Variants in CADPS2 observed in about 807,000 individuals in gnomAD.
The protein encoded by CADPS2 is calcium dependent secretion activator 2, also known as calcium-dependent secretion activator 2.
Under a neutral mutation model 172.5 loss-of-function variants are expected in CADPS2, and 93 were observed. The observed-to-expected ratio is 0.54, with a 90% CI of 0.46 to 0.64. The LOEUF (loss-of-function observed/expected upper bound fraction) is 0.64. CADPS2 is among the 30% of genes least tolerant of loss of function. The probability of loss-of-function intolerance (pLI) is 0.00; values close to 1 mark genes in which losing one functional copy is unlikely to be tolerated. For missense variants in CADPS2, 1,420 were observed against 1,565.9 expected (o/e 0.91, Z 1.57); for synonymous variants, 546 against 555.2 (o/e 0.98, Z 0.23).
At chr7:122,638,281 G>C (rs1400375833) in intron 3 of CADPS2, among the ~76,000 whole-genome samples, 2 of 152,166 alleles carry the variant, frequency 1.3e-5, no homozygotes, top group African/African-American at 4.8e-5. Context: ...TGAGAGCCCA[G>C]GGATCTCACC....
chr7:122,878,956 C>T lies in CADPS2; in HGVS notation c.339+7043G>A, dbSNP rs911837725. On this transcript the variant is annotated intron_variant, in intron 1 of 29. Transcript: ENST00000449022. Reference sequence around the variant, plus strand: ...GATTCATCAAAAGTCGGGCTGCAGGCCGGGCATCTTGACTCACACTTGCAA... The same window carrying T: ...GATTCATCAAAAGTCGGGCTGCAGGTCGGGCATCTTGACTCACACTTGCAA... 7.2e-5 allele frequency among the ~76,000 whole-genome samples: 11 copies of T among 152,212 alleles called. No individual in the cohort carries two copies. In the East Asian group the frequency reaches 2.1e-3, roughly 29 times the overall value.
At chr7:122,433,870 C>T (rs1312566245) in intron 17 of CADPS2, among the ~76,000 whole-genome samples, 1 of 152,134 alleles carries the variant, frequency 6.6e-6, no homozygotes, top group Non-Finnish European at 1.5e-5. Flanking sequence ...TTGTTCTCTC[C>T]TCTCTTTAAG....
chr7:122,514,484 CT>C (rs1289735742), intron 8 of CADPS2, among the ~76,000 whole-genome samples: 3 of 151,956 alleles, frequency 2.0e-5, no homozygotes, highest in Non-Finnish European at 2.9e-5. Context: ...GTTTGCCCCC[CT>C]CCCCCCTTTA....
chr7:122,701,791 T>G, intron 2 of CADPS2: 1 of 1,269,906 alleles, frequency 7.9e-7, no homozygotes, highest in Non-Finnish European at 1.1e-6. Flanking sequence ...TCTTTGTATT[T>G]GGAAAGATCT....
chr7:122,656,076 G>A (rs1366755725), intron 3 of CADPS2, among the ~76,000 whole-genome samples: 3 of 152,170 alleles, frequency 2.0e-5, no homozygotes, highest in Admixed American at 6.5e-5. Flanking sequence ...AGAAGCTGCT[G>A]TATGCCATGA....
intron 2 of CADPS2, among the ~76,000 whole-genome samples, chr7:122,680,331 A>G (rs2082887949): frequency 6.6e-6 from 1 of 152,252 alleles, no homozygotes; most frequent in Non-Finnish European, 1.5e-5. Flanking sequence ...ACCCTTATCT[A>G]TAAACTAGGA....
intron 2 of CADPS2, among the ~76,000 whole-genome samples, chr7:122,726,505 T>G (rs2091100087): frequency 6.6e-6 from 1 of 151,932 alleles, no homozygotes; most frequent in Admixed American, 6.6e-5. Context: ...ACGTGTTTTC[T>G]CTCAAGATCT....
At chr7:122,574,942 A>T (rs2067795900) in intron 7 of CADPS2, among the ~76,000 whole-genome samples, 1 of 152,172 alleles carries the variant, frequency 6.6e-6, no homozygotes, top group Non-Finnish European at 1.5e-5. Context: ...TAACCAAGTG[A>T]TAATACTTAA....
At chr7:122,606,507 A>G (rs2073565793) in intron 6 of CADPS2, among the ~76,000 whole-genome samples, 1 of 152,120 alleles carries the variant, frequency 6.6e-6, no homozygotes, top group Non-Finnish European at 1.5e-5. Flanking sequence ...GAACACACAC[A>G]AGAAAAAGAA....
chr7:122,706,149 A>AAT (rs1307243388), intron 2 of CADPS2, among the ~76,000 whole-genome samples: 1,267 of 11,116 alleles, frequency 0.11, 353 homozygotes, highest in East Asian at 0.19. Flanking sequence ...ATATTCAAGG[A>AAT]ATATATATAT....
At chr7:122,464,934 T>A (rs536783110) in intron 14 of CADPS2, among the ~76,000 whole-genome samples, 366 of 152,304 alleles carry the variant, frequency 2.4e-3, no homozygotes, top group Non-Finnish European at 4.0e-3. Context: ...TTTTGACAAA[T>A]GTATGACAAT....
chr7:122,729,647 CTATT>C (rs2091449019), intron 2 of CADPS2, among the ~76,000 whole-genome samples: 1 of 126,960 alleles, frequency 7.9e-6, no homozygotes, highest in South Asian at 2.6e-4. Flanking sequence ...TGAGAAATGT[CTATT>C]TATGCCCTTT....
chr7:122,632,670 C>A (rs1010605598), intron 3 of CADPS2, among the ~76,000 whole-genome samples: 1 of 152,146 alleles, frequency 6.6e-6, no homozygotes, highest in Non-Finnish European at 1.5e-5. Context: ...TTGGTAATTT[C>A]TTTCGCTGTG....
intron 1 of CADPS2, among the ~76,000 whole-genome samples, chr7:122,777,514 A>G (rs1281893977): frequency 6.6e-6 from 1 of 151,462 alleles, no homozygotes; most frequent in African/African-American, 2.5e-5. Context: ...GGTGACTGAT[A>G]CAGTTTGGCT....
In CADPS2 at chr7:122,493,315, A is replaced by C. The variant is rs2058464728; in HGVS notation, c.1543-1895T>G. Among the ~76,000 whole-genome samples, 4 of 152,298 alleles carry C rather than the reference A, an allele frequency of 2.6e-5. 1 individual carries two copies. The South Asian group carries it at 8.3e-4, about 32-fold the overall frequency. On this transcript the variant is annotated intron_variant, in intron 9 of 29. Transcript: ENST00000449022. ...AGAGGTTTGAGGAAGTGACAGGTGTAAGATGCAGGGATCAACATTGTAACT... is the reference window on the plus strand; with the variant it reads ...AGAGGTTTGAGGAAGTGACAGGTGTCAGATGCAGGGATCAACATTGTAACT...
At chr7:122,411,614 T>C (rs2047330838) in intron 19 of CADPS2, among the ~76,000 whole-genome samples, 1 of 152,168 alleles carries the variant, frequency 6.6e-6, no homozygotes, top group African/African-American at 2.4e-5. Flanking sequence ...TGAGTCTGAC[T>C]TTGAAATACA....
At chr7:122,517,965 T>C (rs2060500235) in intron 8 of CADPS2, among the ~76,000 whole-genome samples, 1 of 151,974 alleles carries the variant, frequency 6.6e-6, no homozygotes, top group Non-Finnish European at 1.5e-5. Flanking sequence ...TACTATTCTT[T>C]GTTGTTGTTG....
At chr7:122,781,317 G>A (rs1280196042) in intron 1 of CADPS2, among the ~76,000 whole-genome samples, 1 of 152,166 alleles carries the variant, frequency 6.6e-6, no homozygotes, top group South Asian at 2.1e-4. Flanking sequence ...TATACAAGGG[G>A]ATTATTATTG....
intron 1 of CADPS2, among the ~76,000 whole-genome samples, chr7:122,843,855 G>C (rs1811246415): frequency 6.6e-6 from 1 of 152,234 alleles, no homozygotes; most frequent in Non-Finnish European, 1.5e-5. Flanking sequence ...GGAGGCAAAA[G>C]TGTAAAGTGA....
Sources: gnomAD v4.1 joint callset for allele counts (sites outside exome capture counted in the v4.1 genomes callset) on GRCh38, gnomAD v4.1.1 for gene constraint, MANE v1.5 for transcripts, NCBI Gene and HGNC (gene_info 2026-07-23, HGNC 2026-07-21) for gene names.